MYO16: variants seen among roughly 807,000 people sequenced by gnomAD.
The protein encoded by MYO16 is unconventional myosin-XVI.
MYO16 carries 94 observed loss-of-function variants against 205.3 expected under a neutral mutation model. That is an observed-to-expected ratio of 0.46 (90% confidence interval 0.39 to 0.54). MYO16 has a LOEUF of 0.54. Among genes scored for constraint, MYO16 ranks in the 20% least tolerant of loss-of-function variants. MYO16 has a pLI of 0.00. For synonymous variants in MYO16, 988 were observed against 954.0 expected (o/e 1.04, Z -0.66); for missense variants, 2,315 against 2,387.5 (o/e 0.97, Z 0.63).
intron 1 of MYO16, among the ~76,000 whole-genome samples, chr13:108,635,193 G>A (rs531174616): frequency 6.6e-6 from 1 of 152,252 alleles, no homozygotes; most frequent in East Asian, 1.9e-4. Context: ...GTGAGGAGTA[G>A]CACTTCAGAT....
At chr13:109,064,013 G>C (rs1201087052) in intron 27 of MYO16, among the ~76,000 whole-genome samples, 1 of 152,150 alleles carries the variant, frequency 6.6e-6, no homozygotes, top group East Asian at 1.9e-4. Flanking sequence ...ATGCCTATTA[G>C]ATCATGCTGG....
chr13:109,123,640 G>A (rs1350163860), intron 29 of MYO16, among the ~76,000 whole-genome samples: 6 of 152,120 alleles, frequency 3.9e-5, no homozygotes, highest in Non-Finnish European at 8.8e-5. Flanking sequence ...CTGTTTTACA[G>A]TTAACTTAAT....
chr13:108,608,417 G>C (rs8000758), intron 1 of MYO16, among the ~76,000 whole-genome samples: 4 of 152,114 alleles, frequency 2.6e-5, no homozygotes, highest in African/African-American at 9.7e-5. Flanking sequence ...TGCACACCTT[G>C]TCTTAAAGCT....
chr13:108,669,999 G>A (rs1313065394), intron 2 of MYO16, among the ~76,000 whole-genome samples: 3 of 152,128 alleles, frequency 2.0e-5, no homozygotes. Context: ...TAGATGATGG[G>A]TTGATAGGTG....
intron 4 of MYO16, among the ~76,000 whole-genome samples, chr13:108,752,021 T>C (rs968613054): frequency 6.6e-6 from 1 of 152,174 alleles, no homozygotes; most frequent in Non-Finnish European, 1.5e-5. Context: ...CATGTATCTG[T>C]AGTAGTTCAT....
chr13:109,179,221 T>A (rs1217645685), intron 33 of MYO16, among the ~76,000 whole-genome samples: 1 of 152,210 alleles, frequency 6.6e-6, no homozygotes, highest in African/African-American at 2.4e-5. Context: ...CCCCGTATGC[T>A]TCTTCAAACC....
At chr13:108,972,249 C>CTCTCTCTCTCTCTCTCTCTATA (rs1178345437) in intron 20 of MYO16, among the ~76,000 whole-genome samples, 2 of 2,850 alleles carry the variant, frequency 7.0e-4, no homozygotes, top group Non-Finnish European at 5.9e-4. Flanking sequence ...CTCTCTCTCT[C>CTCTCTCTCTCTCTCTCTCTATA]TATATATATA....
intron 3 of MYO16, among the ~76,000 whole-genome samples, chr13:108,725,112 T>C (rs1179621178): frequency 6.6e-6 from 1 of 152,186 alleles, no homozygotes; most frequent in Non-Finnish European, 1.5e-5. Flanking sequence ...CCATTAAAGT[T>C]CTCATCTCTG....
intron 2 of MYO16, among the ~76,000 whole-genome samples, chr13:108,687,915 T>G (rs961083234): frequency 2.6e-5 from 4 of 152,132 alleles, no homozygotes; most frequent in Non-Finnish European, 5.9e-5. Flanking sequence ...CAAAGGATAT[T>G]TGGACTGTGA....
the MYO16 span, among the ~76,000 whole-genome samples, chr13:108,562,114 G>C: frequency 3.3e-5 from 5 of 152,128 alleles, no homozygotes; most frequent in African/African-American, 7.2e-5. Flanking sequence ...CATTTCTCAT[G>C]GTTCTGGAGA....
chr13:108,584,329 G>A, the MYO16 span, among the ~76,000 whole-genome samples: 3 of 152,082 alleles, frequency 2.0e-5, no homozygotes, highest in Non-Finnish European at 4.4e-5. Context: ...CTGGTCAAAT[G>A]CTATTGAAAT....
chr13:109,188,463 T>TAGATGGATAGAGA (rs1879775935), intron 34 of MYO16, among the ~76,000 whole-genome samples: 4 of 152,176 alleles, frequency 2.6e-5, no homozygotes, highest in Non-Finnish European at 5.9e-5. Flanking sequence ...TGACAACCTT[T>TAGATGGATAGAGA]CATGAGACCA....
intron 24 of MYO16, chr13:109,048,526 A>G: frequency 2.3e-6 from 1 of 434,488 alleles, no homozygotes; most frequent in Non-Finnish European, 4.2e-6. Context: ...TAGACAATAC[A>G]AATGGATGTG....
At chr13:109,013,372 G>A (rs1375986809) in intron 22 of MYO16, among the ~76,000 whole-genome samples, 1 of 152,020 alleles carries the variant, frequency 6.6e-6, no homozygotes, top group Non-Finnish European at 1.5e-5. Flanking sequence ...ATCATTGATG[G>A]ACATTTGGGT....
At chr13:109,159,914 C>T (rs1469594046) in intron 32 of MYO16, among the ~76,000 whole-genome samples, 1 of 152,202 alleles carries the variant, frequency 6.6e-6, no homozygotes, top group African/African-American at 2.4e-5. Flanking sequence ...CTCAGGAAGC[C>T]TTTGGATCTT....
chr13:108,789,702 A>G (rs897697726), intron 5 of MYO16, among the ~76,000 whole-genome samples: 4 of 152,144 alleles, frequency 2.6e-5, no homozygotes, highest in Admixed American at 1.3e-4. Flanking sequence ...CTCTTAGAAC[A>G]CTTATTATGA....
intron 1 of MYO16, among the ~76,000 whole-genome samples, chr13:108,644,502 T>C (rs2139386123): frequency 6.6e-6 from 1 of 152,320 alleles, no homozygotes; most frequent in South Asian, 2.1e-4. Context: ...AAAGATTTGC[T>C]CTTTAAATAA....
intron 33 of MYO16, among the ~76,000 whole-genome samples, chr13:109,167,589 C>T (rs776520522): frequency 6.6e-6 from 1 of 152,124 alleles, no homozygotes; most frequent in Non-Finnish European, 1.5e-5. Flanking sequence ...AGGTGAATCT[C>T]ACTGTCTCTA....
At chr13:109,061,816 C>T (rs1443621497) in intron 27 of MYO16, among the ~76,000 whole-genome samples, 1 of 143,100 alleles carries the variant, frequency 7.0e-6, no homozygotes. Context: ...TCTGCAACAC[C>T]ACAACAAAAT....
Sources: gnomAD v4.1 joint callset for allele counts (sites outside exome capture counted in the v4.1 genomes callset) on GRCh38, gnomAD v4.1.1 for gene constraint, MANE v1.5 for transcripts, NCBI Gene and HGNC (gene_info 2026-07-23, HGNC 2026-07-21) for gene names.